VPS13B: variants seen among roughly 807,000 people sequenced by gnomAD.
The protein encoded by VPS13B is vacuolar protein sorting 13 homolog B.
In VPS13B, 285 loss-of-function variants were observed where a neutral mutation model predicts 426.4. That is an observed-to-expected ratio of 0.67 (90% CI 0.61 to 0.74). The LOEUF is 0.74. Ranked by LOEUF, VPS13B falls within the 30% of genes least tolerant of loss-of-function variation. The pLI is 0.00. For synonymous variants in VPS13B, 1,676 were observed against 1,676.4 expected, an observed-to-expected ratio of 1.00 and a Z score of 0.01; for missense variants, 4,537 against 4,782.6, an observed-to-expected ratio of 0.95 and a Z score of 1.51.
rs137893781 is a variant in VPS13B at position 99,449,738 on chromosome 8, A to T, written c.3445+7103A>T. Among the ~76,000 whole-genome samples the T allele has an allele frequency of 1.6e-4, 24 of 152,262 alleles. No homozygotes were observed. The East Asian group carries it at 2.5e-3, about 16-fold the overall frequency. On this transcript the variant is annotated intron_variant, in intron 23 of 61. Transcript: ENST00000357162. The stretch of plus-strand genomic sequence containing the variant: ...CATTTATAAATGTAGCCAATAAGAT[A>T]AGGACTAAAAACTATAAGGTTTCAC...
chr8:99,380,888 T>A (rs1408084350), intron 19 of VPS13B, among the ~76,000 whole-genome samples: 57 of 151,436 alleles, frequency 3.8e-4, no homozygotes, highest in African/African-American at 7.5e-4. Flanking sequence ...TTTTTTTTTT[T>A]TTAAAAAAAA....
chr8:99,643,271 A>G (rs193202409), intron 34 of VPS13B, among the ~76,000 whole-genome samples: 1 of 152,284 alleles, frequency 6.6e-6, no homozygotes, highest in East Asian at 1.9e-4. Context: ...AAGATTCAGT[A>G]TTCAAAGAGG....
intron 33 of VPS13B, among the ~76,000 whole-genome samples, chr8:99,588,104 T>C (rs536633331): frequency 6.6e-6 from 1 of 151,914 alleles, no homozygotes; most frequent in South Asian, 2.1e-4. Flanking sequence ...CTTGTTTTTG[T>C]CAGGTTTGTC....
chr8:99,808,269 C>T (rs7845386), intron 43 of VPS13B, among the ~76,000 whole-genome samples: 6,904 of 152,146 alleles, frequency 0.045, 191 homozygotes, highest in South Asian at 0.078. Flanking sequence ...GCCTGTAATC[C>T]TAGCACTTTG....
At chr8:99,038,982 G>A (rs557798241) in intron 3 of VPS13B, among the ~76,000 whole-genome samples, 36 of 152,210 alleles carry the variant, frequency 2.4e-4, no homozygotes, top group Non-Finnish European at 4.7e-4. Flanking sequence ...ACTGTGCCTG[G>A]CCTTTAATTT....
intron 30 of VPS13B, among the ~76,000 whole-genome samples, chr8:99,535,424 G>C (rs1185031707): frequency 6.6e-6 from 1 of 152,068 alleles, no homozygotes; most frequent in African/African-American, 2.4e-5. Flanking sequence ...CATCCTCTGT[G>C]GTGTAGACAG....
chr8:99,601,504 G>T (rs573778139), intron 33 of VPS13B, among the ~76,000 whole-genome samples: 1 of 152,156 alleles, frequency 6.6e-6, no homozygotes, highest in South Asian at 2.1e-4. Context: ...TAATCCTTTG[G>T]GTATATCCCC....
chr8:99,357,509 A>G (rs1444668405), intron 19 of VPS13B, among the ~76,000 whole-genome samples: 1 of 151,866 alleles, frequency 6.6e-6, no homozygotes, highest in Admixed American at 6.6e-5. Flanking sequence ...CAGCATTTTT[A>G]TTCATTTTGT....
intron 8 of VPS13B, among the ~76,000 whole-genome samples, chr8:99,121,990 T>C (rs1271866461): frequency 1.2e-4 from 18 of 151,124 alleles, no homozygotes. Flanking sequence ...CAGCTGGGAC[T>C]ACAGGCACGT....
chr8:99,839,303 A>G (rs1010433807), intron 54 of VPS13B, among the ~76,000 whole-genome samples: 5 of 152,264 alleles, frequency 3.3e-5, no homozygotes, highest in Non-Finnish European at 4.4e-5. Flanking sequence ...TCATGTTTCT[A>G]CAGCTCTGTG....
chr8:99,589,603 C>A lies in VPS13B; in HGVS notation c.5220+11970C>A, dbSNP rs567169018. Among the ~76,000 whole-genome samples, 187 of 151,758 alleles carry A rather than the reference C, an allele frequency of 1.2e-3. 1 individual carries two copies. Among genetic ancestry groups the A allele is most frequent in the Non-Finnish European group, 1.8e-3 (125 of 67,988 alleles). On this transcript the variant is annotated intron_variant, in intron 33 of 61. Coordinates refer to ENST00000357162, the MANE Select transcript of VPS13B (RefSeq NM_152564.5). ...GCCACATTTTCTTAATCCAGTCTAT[C>A]GTTTTTGGACATTTCGGTTGGTTCC...
chr8:99,300,232 GTC>G (rs1382424951), intron 19 of VPS13B, among the ~76,000 whole-genome samples: 2 of 152,134 alleles, frequency 1.3e-5, no homozygotes, highest in African/African-American at 4.8e-5. Context: ...GCCATCTATT[GTC>G]TGCAATCCCC....
intron 17 of VPS13B, among the ~76,000 whole-genome samples, chr8:99,209,204 G>A (rs932074145): frequency 6.6e-6 from 1 of 151,648 alleles, no homozygotes; most frequent in Non-Finnish European, 1.5e-5. Context: ...ACTTTAACAC[G>A]GGAGGCAGAG....
chr8:99,245,812 G>A (rs1200323327), intron 17 of VPS13B, among the ~76,000 whole-genome samples: 1 of 152,180 alleles, frequency 6.6e-6, no homozygotes, highest in Non-Finnish European at 1.5e-5. Flanking sequence ...CCAAAGTTCT[G>A]GGATTACAGG....
chr8:99,234,005 A>G, intron 17 of VPS13B: 1 of 775,626 alleles, frequency 1.3e-6, no homozygotes, highest in Admixed American at 1.7e-5. Flanking sequence ...CACTATGGTC[A>G]AGCCCTCCTT....
intron 39 of VPS13B, among the ~76,000 whole-genome samples, chr8:99,744,288 A>G (rs929683713): frequency 2.0e-5 from 3 of 152,230 alleles, no homozygotes; most frequent in African/African-American, 7.2e-5. Flanking sequence ...CACACCAGCT[A>G]GAATGGTGAT....
At chr8:99,280,323 C>T (rs1319875400) in intron 19 of VPS13B, among the ~76,000 whole-genome samples, 1 of 152,180 alleles carries the variant, frequency 6.6e-6, no homozygotes, top group Non-Finnish European at 1.5e-5. Context: ...CTTTTCCCTA[C>T]TCCCTCCCAA....
chr8:99,182,675 A>C (rs1227441424), intron 16 of VPS13B, among the ~76,000 whole-genome samples: 5 of 152,192 alleles, frequency 3.3e-5, no homozygotes, highest in African/African-American at 1.2e-4. Flanking sequence ...AATGGTATCC[A>C]GGTTTTTCAC....
At chr8:99,809,959 A>G (rs1320806111) in intron 44 of VPS13B, among the ~76,000 whole-genome samples, 2 of 152,018 alleles carry the variant, frequency 1.3e-5, no homozygotes, top group Non-Finnish European at 2.9e-5. Flanking sequence ...GTGCTGTGAT[A>G]CTCTCCCATG....
Sources: gnomAD v4.1 joint callset for allele counts (sites outside exome capture counted in the v4.1 genomes callset) on GRCh38, gnomAD v4.1.1 for gene constraint, MANE v1.5 for transcripts, NCBI Gene and HGNC (gene_info 2026-07-23, HGNC 2026-07-21) for gene names.